Variants in SLC3A2 observed in about 807,000 individuals in gnomAD.
SLC3A2 encodes amino acid transporter heavy chain SLC3A2.
Under a neutral mutation model 48.5 loss-of-function variants are expected in SLC3A2, and 32 were observed. The observed-to-expected ratio is 0.66, with a 90% CI of 0.50 to 0.89. The LOEUF (loss-of-function observed/expected upper bound fraction) is 0.89. Ranked by LOEUF, SLC3A2 falls within the 40% of genes least tolerant of loss-of-function variation. The pLI, the probability that SLC3A2 is intolerant of heterozygous loss-of-function variation, is 0.00. For synonymous variants in SLC3A2, 277 were observed against 288.8 expected (o/e 0.96, Z 0.41); for missense variants, 587 against 680.7 (o/e 0.86, Z 1.53).
chr11:62,880,800 G>T (rs557373623), upstream of SLC3A2: 1 of 904,838 alleles, frequency 1.1e-6, no homozygotes, highest in East Asian at 2.8e-5. Context: ...ACCCTGAGCC[G>T]CCCACGGCTG....
chr11:62,883,729 G>T (rs1461507112), intron 3 of SLC3A2: 2 of 262,100 alleles, frequency 7.6e-6, no homozygotes, highest in Non-Finnish European at 1.5e-5. Context: ...TGCTGATGAG[G>T]GAATGTTTTT....
rs1590633007 is a variant in SLC3A2, at chr11:62,881,643, A to C, written c.424+196A>C. ...TTTGAAGAAAGCCGACCCGCCCCTC[A>C]CTCCGTCACGAGGGTGGGTGACTCA... On this transcript the variant is annotated intron_variant, in intron 1 of 8. Transcript: ENST00000338663. This position sits in a 1 kb window ranked among gnomAD's most constrained non-coding sequence, Gnocchi z 4.0. 2 of 852,130 alleles carry C rather than the reference A, an allele frequency of 2.3e-6. No homozygotes were observed. Among genetic ancestry groups the C allele is most frequent in the East Asian group, 2.9e-5 (1 of 34,916 alleles). The allele number at this position is 852,130 out of a possible 1,614,324, so 52.8% of individuals were successfully genotyped here.
chr11:62,878,561 GT>G (rs2085593494), upstream of SLC3A2, among the ~76,000 whole-genome samples: 1 of 151,122 alleles, frequency 6.6e-6, no homozygotes, highest in South Asian at 2.1e-4. Context: ...CGCCTCCCAG[GT>G]TCACGTCATT....
At position 62,888,474 on chromosome 11, in the gene SLC3A2, C is replaced by A; in HGVS notation, c.1371C>A (p.Asp457Glu). The A allele has an allele frequency of 1.2e-6, 2 of 1,614,232 alleles. No individual in the cohort carries two copies. The highest frequency in any genetic ancestry group is 1.7e-6 in the Non-Finnish European group (2 of 1,180,042). Residue 457 changes from aspartate to glutamate, a missense_variant, in exon 9 of 9, where the codon GAC (aspartate) becomes GAA (glutamate). Physicochemically the swap from Asp to Glu is conservative, Grantham distance 45 (BLOSUM62 2). Coordinates refer to ENST00000338663, the MANE Select transcript of SLC3A2 (RefSeq NM_001013251.3). ...PGLFSYIRHW[D>E]QNERFLVVLN... ...TCTTCTCCTATATCCGCCACTGGGA[C>A]CAGAATGAGCGTTTTCTGGTAGTGC...
At chr11:62,859,149 CA>C (rs1299157274) in intron 1 of SLC3A2, among the ~76,000 whole-genome samples, 4 of 152,148 alleles carry the variant, frequency 2.6e-5, no homozygotes, top group Non-Finnish European at 5.9e-5. Context: ...AAACCTTGGA[CA>C]ATACCTGGCT....
intron 1 of SLC3A2, chr11:62,871,493 G>T (rs2085516285): frequency 2.2e-6 from 1 of 459,658 alleles, no homozygotes; most frequent in Non-Finnish European, 3.8e-6. Flanking sequence ...GCCCGTCTCG[G>T]CCTCCCAAAG....
intron 1 of SLC3A2, among the ~76,000 whole-genome samples, chr11:62,868,858 G>A (rs2085480794): frequency 6.6e-6 from 1 of 152,032 alleles, no homozygotes; most frequent in Admixed American, 6.6e-5. Flanking sequence ...TACTAATGAG[G>A]TTTTGTAATC....
chr11:62,865,004 G>C (rs967449862), intron 1 of SLC3A2, among the ~76,000 whole-genome samples: 6 of 152,142 alleles, frequency 3.9e-5, no homozygotes, highest in Admixed American at 3.3e-4. Context: ...TTCAGTTACT[G>C]CCTGACACCT....
chr11:62,865,201 G>C (rs984408180), intron 1 of SLC3A2, among the ~76,000 whole-genome samples: 7 of 152,142 alleles, frequency 4.6e-5, no homozygotes, highest in African/African-American at 1.7e-4. Context: ...AACCGTTACA[G>C]TTTTAGCATC....
chr11:62,862,290 C>T (rs750827358), intron 1 of SLC3A2, among the ~76,000 whole-genome samples: 15 of 138,672 alleles, frequency 1.1e-4, no homozygotes, highest in Non-Finnish European at 1.7e-4. Context: ...GCTGAGATCA[C>T]GCCATTGCAC....
In SLC3A2 at chr11:62,881,510, C is replaced by T. The variant is rs1006548404; in HGVS notation, c.424+63C>T. On this transcript the variant is annotated intron_variant, in intron 1 of 8. Transcript: ENST00000338663. The surrounding 1 kb of genome is among the most constrained non-coding windows in gnomAD (Gnocchi z 4.0). ...TGAATCTGGTGGCTTGCACCGACCC[C>T]CTCCCCTGTCCCCAGACGGATCTAG... 8.7e-6 allele frequency: 13 copies of T among 1,491,834 alleles called. No individual in the cohort carries two copies. The Middle Eastern group carries it at 7.2e-4, about 83-fold the overall frequency. The allele number at this position is 1,491,834 out of a possible 1,614,324, so 92.4% of individuals were successfully genotyped here. A position where few individuals can be genotyped will look rare whatever the true frequency, so the allele number is the denominator to read the frequency against.
At position 62,883,387 on chromosome 11, in the gene SLC3A2, A is replaced by G. The variant is rs1018010042; in HGVS notation, c.690+388A>G. 3.1e-5 allele frequency: 7 copies of G among 226,654 alleles called. No individual in the cohort carries two copies. In the South Asian group the frequency reaches 4.1e-4, roughly 13 times the overall value. 14.0% of individuals were successfully genotyped at this position (226,654 alleles called of 1,614,324 possible). A position where few individuals can be genotyped will look rare whatever the true frequency, so the allele number is the denominator to read the frequency against. Reference sequence around the variant, plus strand: ...TAGAGCCCAGTCTGAAATTATAAGCACTGGGGTACTCCTATGTGTCTGGGA... The same window carrying G: ...TAGAGCCCAGTCTGAAATTATAAGCGCTGGGGTACTCCTATGTGTCTGGGA... On this transcript the variant is annotated intron_variant, in intron 3 of 8. Transcript: ENST00000338663.
At chr11:62,867,192 A>C (rs904409587) in intron 1 of SLC3A2, among the ~76,000 whole-genome samples, 1 of 151,160 alleles carries the variant, frequency 6.6e-6, no homozygotes, top group African/African-American at 2.4e-5. Context: ...GGGTTTCTCC[A>C]TGTTGGTCAG....
At chr11:62,857,561 A>G (rs914516798) in intron 1 of SLC3A2, among the ~76,000 whole-genome samples, 1 of 151,948 alleles carries the variant, frequency 6.6e-6, no homozygotes, top group Non-Finnish European at 1.5e-5. Context: ...GCGGTGGTGC[A>G]TGCCTGTAGC....
intron 1 of SLC3A2, among the ~76,000 whole-genome samples, chr11:62,860,403 G>A (rs1258157534): frequency 2.0e-5 from 3 of 151,726 alleles, no homozygotes; most frequent in East Asian, 3.9e-4. Flanking sequence ...TACTTGGGAG[G>A]CTGAGGCAGG....
intron 1 of SLC3A2, among the ~76,000 whole-genome samples, chr11:62,859,827 G>A (rs528297793): frequency 2.0e-5 from 3 of 152,308 alleles, no homozygotes; most frequent in East Asian, 1.9e-4. Context: ...AGCGGCTCAC[G>A]CCTGTAATCC....
intron 6 of SLC3A2, 21 bp from the exon 7 acceptor site, chr11:62,885,444 C>A (rs774527250): frequency 1.2e-6 from 2 of 1,614,154 alleles, no homozygotes; most frequent in South Asian, 2.2e-5. Flanking sequence ...ATGGGGCTCA[C>A]TGGAGTGTCT....
At chr11:62,858,590 AAGAC>A (rs1485694568) in intron 1 of SLC3A2, among the ~76,000 whole-genome samples, 2 of 152,098 alleles carry the variant, frequency 1.3e-5, no homozygotes, top group Non-Finnish European at 2.9e-5. Flanking sequence ...AGGAAAGAAA[AAGAC>A]AGAGACAAAG....
At chr11:62,886,162 C>T (rs568491190) in intron 7 of SLC3A2, among the ~76,000 whole-genome samples, 23 of 151,910 alleles carry the variant, frequency 1.5e-4, no homozygotes, top group Non-Finnish European at 2.9e-4. Flanking sequence ...TGGTGGTGCA[C>T]GCCTGTAGTC....
Sources: gnomAD v4.1 joint callset for allele counts (sites outside exome capture counted in the v4.1 genomes callset) on GRCh38, gnomAD v4.1.1 for gene constraint, Gnocchi (gnomAD v3.1) non-coding constraint, MANE v1.5 for transcripts, NCBI Gene and HGNC (gene_info 2026-07-23, HGNC 2026-07-21) for gene names.